The following OPRM1 variants were observed in gnomAD, a reference collection of about 807,000 sequenced individuals.
OPRM1 encodes opioid receptor mu 1, also known as mu-type opioid receptor.
Under a neutral mutation model 31.8 loss-of-function variants are expected in OPRM1, and 27 were observed. The observed-to-expected ratio is 0.85, with a 90% CI of 0.63 to 1.17. OPRM1 has a LOEUF of 1.17. Among genes scored for constraint, OPRM1 ranks in the 50% most tolerant of loss-of-function variants. OPRM1 has a pLI of 0.00. For synonymous variants in OPRM1, 196 were observed against 189.9 expected, an observed-to-expected ratio of 1.03 and a Z score of -0.26; for missense variants, 536 against 511.1, an observed-to-expected ratio of 1.05 and a Z score of -0.47.
intron 3 of OPRM1, among the ~76,000 whole-genome samples, chr6:154,103,417 A>G (rs146602665): frequency 0.019 from 2,968 of 152,346 alleles, 47 homozygotes; most frequent in Non-Finnish European, 0.03. Flanking sequence ...TTATTTTCTT[A>G]GAACATTACT....
chr6:154,135,100 A>G (rs906868518), downstream of OPRM1, among the ~76,000 whole-genome samples: 4 of 152,202 alleles, frequency 2.6e-5, no homozygotes, highest in South Asian at 2.1e-4. Context: ...CATGTGTACT[A>G]TGGAATTCAC....
At chr6:154,150,016 C>G (rs1006435178) in intron 3 of OPRM1, among the ~76,000 whole-genome samples, 2 of 152,206 alleles carry the variant, frequency 1.3e-5, no homozygotes, top group African/African-American at 4.8e-5. Context: ...AATGTCCCAC[C>G]AAGGCAGATT....
In OPRM1 at chr6:154,122,063, G is replaced by A. The variant is rs749758612; in HGVS notation, c.*3342G>A. Among the ~76,000 whole-genome samples the A allele has an allele frequency of 1.1e-4, 17 of 152,082 alleles. No homozygotes were observed. Among genetic ancestry groups the A allele is most frequent in the East Asian group, 1.9e-4 (1 of 5,196 alleles). ...AATACTGCAGAAGCTGATACTATCC[G>A]TTGTGGTTTTACAAATTCTAGAGGG... On this transcript the variant is annotated 3_prime_UTR_variant, in exon 4 of 4. Coordinates refer to ENST00000330432, the MANE Select transcript of OPRM1 (RefSeq NM_000914.5).
chr6:154,219,693 C>A (rs1471621376), intron 3 of OPRM1, among the ~76,000 whole-genome samples: 1 of 151,976 alleles, frequency 6.6e-6, no homozygotes, highest in South Asian at 2.1e-4. Flanking sequence ...CCTCTCCATT[C>A]GTGTATCTGT....
chr6:154,044,977 C>A (rs579316), intron 1 of OPRM1, among the ~76,000 whole-genome samples: 1 of 151,612 alleles, frequency 6.6e-6, no homozygotes, highest in Admixed American at 6.6e-5. Flanking sequence ...ACAATGCCAG[C>A]GCTTTGGGAG....
In OPRM1 at chr6:154,098,261, C is replaced by T. The variant is rs138351468; in HGVS notation, c.1164+6789C>T. ...AATTTAGTTTTAAAGATTGGATTAA[C>T]TAAAGTGGTGCAGTATCTTCTTTTC... On this transcript the variant is annotated intron_variant, in intron 3 of 3. Transcript: ENST00000330432. Among the ~76,000 whole-genome samples, 87 of 135,770 alleles carry T rather than the reference C, an allele frequency of 6.4e-4. No homozygotes were observed. The East Asian group carries it at 0.02, about 31-fold the overall frequency. 89.1% of individuals were successfully genotyped at this position (135,770 alleles called of 152,430 possible).
At position 154,124,783 on chromosome 6, in the gene OPRM1, A is replaced by G. The variant is rs1197021935; in HGVS notation, c.*6062A>G. On this transcript the variant is annotated 3_prime_UTR_variant, in exon 4 of 4. Coordinates refer to ENST00000330432, the MANE Select transcript of OPRM1 (RefSeq NM_000914.5). Reference sequence around the variant, plus strand: ...CAAGTAGAAATGATAAAGGGCAAGGAAAAAAGATGAAAGCTTACTCATATT... The same window carrying G: ...CAAGTAGAAATGATAAAGGGCAAGGGAAAAAGATGAAAGCTTACTCATATT... Among the ~76,000 whole-genome samples the G allele has an allele frequency of 6.6e-6, 1 of 152,214 alleles. No individual in the cohort carries two copies. Among genetic ancestry groups the G allele is most frequent in the Non-Finnish European group, 1.5e-5 (1 of 68,042 alleles).
chr6:154,047,614 G>A (rs760972175), intron 1 of OPRM1, among the ~76,000 whole-genome samples: 3 of 152,184 alleles, frequency 2.0e-5, no homozygotes, highest in Non-Finnish European at 2.9e-5. Context: ...CAATGGATAG[G>A]GCTTTCCCAT....
rs559733083 is a variant in OPRM1 at position 154,235,374 on chromosome 6, T to C, written c.1165-11319T>C. Reference sequence around the variant, plus strand: ...GGCGAAAACCCGTCTCTACTAAAAATACAAAAAATTAGCTGGGTGTGGTGG... The same window carrying C: ...GGCGAAAACCCGTCTCTACTAAAAACACAAAAAATTAGCTGGGTGTGGTGG... On this transcript the variant is annotated intron_variant, in intron 3 of 3. Transcript: ENST00000337049. 5.5e-4 allele frequency among the ~76,000 whole-genome samples: 83 copies of C among 151,696 alleles called. 1 individual carries two copies. Among genetic ancestry groups the C allele is most frequent in the Non-Finnish European group, 7.4e-4 (50 of 67,914 alleles).
At chr6:154,160,972 C>T (rs543364624) in intron 3 of OPRM1, among the ~76,000 whole-genome samples, 2 of 152,298 alleles carry the variant, frequency 1.3e-5, no homozygotes, top group African/African-American at 4.8e-5. Context: ...GATCCCCTTA[C>T]ACCCAAGGCT....
rs149257126 is a variant in OPRM1 at position 154,124,682 on chromosome 6, T to C, written c.*5961T>C. The stretch of plus-strand genomic sequence containing the variant: ...AAAACTTTATTGAAATACATTAATA[T>C]GCTCCTGGAACATACTACTGGGTCT... On this transcript the variant is annotated 3_prime_UTR_variant, in exon 4 of 4. Transcript: ENST00000330432. Among the ~76,000 whole-genome samples, 865 of 152,298 alleles carry C rather than the reference T, an allele frequency of 5.7e-3. 3 individuals carry two copies. The highest frequency in any genetic ancestry group is 8.0e-3 in the Non-Finnish European group (543 of 68,024).
At chr6:154,152,438 A>G (rs1453786698) in intron 3 of OPRM1, among the ~76,000 whole-genome samples, 1 of 152,088 alleles carries the variant, frequency 6.6e-6, no homozygotes, top group Non-Finnish European at 1.5e-5. Flanking sequence ...GACCAATGAA[A>G]TTCTGTATTT....
At chr6:154,057,765 C>T (rs1783603705) in intron 1 of OPRM1, among the ~76,000 whole-genome samples, 1 of 152,156 alleles carries the variant, frequency 6.6e-6, no homozygotes, top group Non-Finnish European at 1.5e-5. Flanking sequence ...TCTCAGGAGT[C>T]ATTCCTTTCG....
In OPRM1 at chr6:154,233,958, C is replaced by T. The variant is rs1388387397; in HGVS notation, c.1165-12735C>T. The stretch of plus-strand genomic sequence containing the variant: ...ACGCCGTGGCTCACACCTGTAATCT[C>T]GGCACTTTGAGAGGCCAAAGCAGAA... On this transcript the variant is annotated intron_variant, in intron 3 of 3. Coordinates refer to the OPRM1 transcript ENST00000337049. Among the ~76,000 whole-genome samples the T allele has an allele frequency of 2.6e-5, 4 of 152,282 alleles. No individual in the cohort carries two copies. In the South Asian group the frequency reaches 8.3e-4, roughly 32 times the overall value.
chr6:154,121,080 C>A lies in OPRM1; in HGVS notation c.*2359C>A, dbSNP rs1472168229. ...TACAACCCTGACTCAACTGGATGGG[C>A]TAAGGTTTCTGATAAAATCTGAAGA... is the stretch of plus-strand genomic sequence containing the variant. On this transcript the variant is annotated 3_prime_UTR_variant, in exon 4 of 4. Transcript: ENST00000330432. Among the ~76,000 whole-genome samples the A allele has an allele frequency of 6.6e-6, 1 of 152,132 alleles. No homozygotes were observed. The highest frequency in any genetic ancestry group is 2.4e-5 in the African/African-American group (1 of 41,438).
chr6:154,011,001 G>C (rs979061063), exon 1 of OPRM1: 1 of 1,291,292 alleles, frequency 7.7e-7, no homozygotes. Flanking sequence ...GCACAATGCT[G>C]AAATAGCATG....
intron 3 of OPRM1, chr6:154,200,007 G>T: frequency 1.2e-6 from 2 of 1,613,984 alleles, no homozygotes; most frequent in Non-Finnish European, 1.7e-6. Context: ...GTTCCACTCA[G>T]GCTGGGTGAG....
At chr6:154,195,788 A>G (rs1280148744) in intron 3 of OPRM1, among the ~76,000 whole-genome samples, 1 of 122,178 alleles carries the variant, frequency 8.2e-6, no homozygotes, top group Non-Finnish European at 1.6e-5. Context: ...TACCTTGTTC[A>G]CAATTTTTTT....
intron 3 of OPRM1, among the ~76,000 whole-genome samples, chr6:154,203,378 G>T (rs898137118): frequency 1.3e-5 from 2 of 152,150 alleles, no homozygotes; most frequent in East Asian, 3.9e-4. Flanking sequence ...GTCATTTTGT[G>T]TATCAACTTA....
Sources: allele counts gnomAD v4.1 joint callset (sites outside exome capture counted in the v4.1 genomes callset), GRCh38; gene constraint gnomAD v4.1.1; transcripts MANE v1.5; gene names NCBI Gene and HGNC (gene_info 2026-07-23, HGNC 2026-07-21).